The following CSMD1 variants were observed in gnomAD, a reference collection of about 807,000 sequenced individuals.
CSMD1 encodes CUB and Sushi multiple domains 1, also known as CUB and sushi domain-containing protein 1.
In CSMD1, 213 loss-of-function variants were observed where a neutral mutation model predicts 417.5. The observed-to-expected ratio is 0.51, with a 90% CI of 0.46 to 0.57. The LOEUF (loss-of-function observed/expected upper bound fraction) is 0.57. Among genes scored for constraint, CSMD1 ranks in the 20% least tolerant of loss-of-function variants. The probability of loss-of-function intolerance (pLI) is 0.00; values close to 1 mark genes in which losing one functional copy is unlikely to be tolerated. For missense variants in CSMD1, 6,923 were observed against 4,529.7 expected (o/e 1.53, Z -15.17); for synonymous variants, 2,862 against 1,736.8 (o/e 1.65, Z -16.11).
intron 2 of CSMD1, among the ~76,000 whole-genome samples, chr8:4,542,380 G>C (rs182896536): frequency 2.0e-5 from 3 of 152,154 alleles, no homozygotes; most frequent in East Asian, 1.9e-4. Context: ...TAATTTTTAA[G>C]TTTTCTCTTC....
Position 3,369,255 on chromosome 8 carries a change from T to A in CSMD1, c.2898A>T (p.Lys966Asn), listed in dbSNP as rs1251095313. The A allele has an allele frequency of 6.8e-7, 1 of 1,479,272 alleles. No individual in the cohort carries two copies. The highest frequency in any genetic ancestry group is 1.7e-5 in the Admixed American group (1 of 59,166). The allele number at this position is 1,479,272 out of a possible 1,614,324, so 91.6% of individuals were successfully genotyped here. Reference protein sequence around the residue: ...CTWTIEVSHGKGVQMIFHTFH... With the variant: ...CTWTIEVSHGNGVQMIFHTFH... ...TTGAGACCTATGATAGATTCTTACC[T>A]TTCCCATGAGACACTTCAATGGTCC... Residue 966 changes from lysine (K) to asparagine (N), a missense_variant and splice_region_variant, in exon 19 of 70, where the codon AAA becomes AAT. Lys to Asn is a moderately conservative substitution (Grantham distance 94). Coordinates refer to ENST00000635120, the MANE Select transcript of CSMD1 (RefSeq NM_033225.6).
intron 54 of CSMD1, among the ~76,000 whole-genome samples, chr8:2,992,111 T>C (rs1038071860): frequency 2.6e-5 from 4 of 152,204 alleles, no homozygotes. Context: ...AAGAAACACA[T>C]GCATGAATAG....
intron 5 of CSMD1, among the ~76,000 whole-genome samples, chr8:3,813,594 T>C (rs148621499): frequency 6.6e-6 from 1 of 152,274 alleles, no homozygotes; most frequent in African/African-American, 2.4e-5. Context: ...TTAAGATATT[T>C]TAAAAAGAAA....
chr8:3,989,994 C>G (rs79091474), intron 5 of CSMD1, among the ~76,000 whole-genome samples: 8,529 of 152,246 alleles, frequency 0.056, 337 homozygotes, highest in East Asian at 0.1. Context: ...ACAATTGGAA[C>G]ACGAGGATGT....
chr8:4,358,908 C>T (rs1382827729), intron 3 of CSMD1, among the ~76,000 whole-genome samples: 2 of 151,960 alleles, frequency 1.3e-5, no homozygotes, highest in Non-Finnish European at 2.9e-5. Flanking sequence ...GGACAGTGAA[C>T]CTTTATTAAA....
At chr8:3,474,326 G>A (rs1183548411) in intron 11 of CSMD1, among the ~76,000 whole-genome samples, 1 of 152,076 alleles carries the variant, frequency 6.6e-6, no homozygotes, top group East Asian at 1.9e-4. Flanking sequence ...CAATAGCAAA[G>A]TGCTCAGGGA....
intron 3 of CSMD1, among the ~76,000 whole-genome samples, chr8:4,157,807 G>A (rs959539406): frequency 3.3e-5 from 5 of 152,170 alleles, no homozygotes; most frequent in African/African-American, 1.2e-4. Flanking sequence ...CAGGGCCTTG[G>A]TCCAGCTTTA....
chr8:4,179,107 C>T (rs557486081), intron 3 of CSMD1, among the ~76,000 whole-genome samples: 1 of 152,084 alleles, frequency 6.6e-6, no homozygotes, highest in South Asian at 2.1e-4. Context: ...CAAAAAAGAG[C>T]CCGCATCGCC....
chr8:3,539,044 G>C (rs1309968182), intron 10 of CSMD1, among the ~76,000 whole-genome samples: 1 of 152,186 alleles, frequency 6.6e-6, no homozygotes, highest in African/African-American at 2.4e-5. Flanking sequence ...GAAACACCCA[G>C]AGATGGCCTC....
chr8:3,416,650 G>A (rs1244458103), intron 12 of CSMD1, among the ~76,000 whole-genome samples: 2 of 152,254 alleles, frequency 1.3e-5, no homozygotes, highest in African/African-American at 2.4e-5. Context: ...GAGTTGCCTG[G>A]TCCTTTAGAT....
intron 2 of CSMD1, among the ~76,000 whole-genome samples, chr8:4,456,827 T>C (rs1268008611): frequency 6.6e-6 from 1 of 151,916 alleles, no homozygotes. Context: ...AGCCAGTGGG[T>C]ACCTGCAGGA....
intron 3 of CSMD1, among the ~76,000 whole-genome samples, chr8:4,230,279 T>A (rs1801636599): frequency 6.6e-6 from 1 of 152,220 alleles, no homozygotes; most frequent in African/African-American, 2.4e-5. Flanking sequence ...ATATTCTAGA[T>A]TTATATTAAA....
intron 9 of CSMD1, among the ~76,000 whole-genome samples, chr8:3,580,848 C>T (rs993873165): frequency 2.0e-5 from 3 of 152,112 alleles, no homozygotes; most frequent in African/African-American, 7.2e-5. Context: ...AAGGTCATTT[C>T]TACAAGGGCA....
chr8:3,978,491 A>C (rs1207729638), intron 5 of CSMD1, among the ~76,000 whole-genome samples: 1 of 152,176 alleles, frequency 6.6e-6, no homozygotes, highest in Non-Finnish European at 1.5e-5. Context: ...TGGGGACTTT[A>C]CTTCAATACA....
intron 5 of CSMD1, among the ~76,000 whole-genome samples, chr8:3,812,356 A>G (rs1367927160): frequency 6.6e-6 from 1 of 152,154 alleles, no homozygotes; most frequent in Non-Finnish European, 1.5e-5. Flanking sequence ...ATTTGTCCTC[A>G]GCCTCTATAC....
At chr8:3,878,652 C>T (rs1345097540) in intron 5 of CSMD1, among the ~76,000 whole-genome samples, 2 of 152,120 alleles carry the variant, frequency 1.3e-5, no homozygotes, top group Non-Finnish European at 2.9e-5. Flanking sequence ...CCAAAAGACC[C>T]AAATAAGTAG....
intron 5 of CSMD1, among the ~76,000 whole-genome samples, chr8:3,763,774 A>G (rs1319915892): frequency 3.3e-5 from 5 of 152,148 alleles, no homozygotes; most frequent in Admixed American, 1.3e-4. Context: ...TAGGACAATG[A>G]CCAGGGCTCC....
At chr8:4,051,601 A>G (rs1798426946) in intron 3 of CSMD1, among the ~76,000 whole-genome samples, 1 of 152,210 alleles carries the variant, frequency 6.6e-6, no homozygotes, top group Admixed American at 6.5e-5. Flanking sequence ...TGCTAAGTGC[A>G]CAGCGGGGCT....
intron 3 of CSMD1, among the ~76,000 whole-genome samples, chr8:4,324,010 G>A (rs1013427995): frequency 6.6e-6 from 1 of 152,150 alleles, no homozygotes; most frequent in Non-Finnish European, 1.5e-5. Flanking sequence ...GGAATGGCAG[G>A]CACAGCCACA....
Sources: allele counts gnomAD v4.1 joint callset (sites outside exome capture counted in the v4.1 genomes callset), GRCh38; gene constraint gnomAD v4.1.1; transcripts MANE v1.5; gene names NCBI Gene and HGNC (gene_info 2026-07-23, HGNC 2026-07-21).